LPP: variants seen among roughly 807,000 people sequenced by gnomAD.
LPP encodes the protein LIM domain containing preferred translocation partner in lipoma, also known as lipoma-preferred partner.
LPP carries 38 observed loss-of-function variants against 60.4 expected under a neutral mutation model. That is an observed-to-expected ratio of 0.63 (90% confidence interval 0.49 to 0.83). The LOEUF is 0.83. Ranked by LOEUF, LPP falls within the 40% of genes least tolerant of loss-of-function variation. The pLI is 0.00. For missense variants in LPP, 902 were observed against 783.6 expected (o/e 1.15, Z -1.80); for synonymous variants, 328 against 290.8 (o/e 1.13, Z -1.30).
chr3:188,364,768 C>G (rs888118685), intron 3 of LPP, among the ~76,000 whole-genome samples: 2 of 152,174 alleles, frequency 1.3e-5, no homozygotes, highest in African/African-American at 2.4e-5. Context: ...TCCTGCTGCC[C>G]TCTGGCCACC....
intron 6 of LPP, among the ~76,000 whole-genome samples, chr3:188,578,213 A>G (rs370913116): frequency 2.0e-5 from 3 of 151,658 alleles, no homozygotes. Flanking sequence ...AGTGGCCACT[A>G]TGGTCCTTCC....
At chr3:188,515,200 G>C (rs554765309) in intron 5 of LPP, among the ~76,000 whole-genome samples, 1 of 152,128 alleles carries the variant, frequency 6.6e-6, no homozygotes, top group African/African-American at 2.4e-5. Flanking sequence ...CTCTTATGGG[G>C]GTTTAGTGCC....
At chr3:188,238,893 A>G (rs80071698) in intron 2 of LPP, among the ~76,000 whole-genome samples, 2,814 of 152,346 alleles carry the variant, frequency 0.018, 42 homozygotes, top group South Asian at 0.03. Flanking sequence ...TTCTATTTGT[A>G]AAAAACACAG....
chr3:188,308,881 C>T (rs933524968), intron 2 of LPP, among the ~76,000 whole-genome samples: 7 of 93,828 alleles, frequency 7.5e-5, no homozygotes, highest in African/African-American at 1.7e-4. Context: ...TTCTCGTTCT[C>T]GTTCTCCTTC....
At chr3:188,849,046 ATGCT>A (rs2151834576) in intron 9 of LPP, among the ~76,000 whole-genome samples, 1 of 152,280 alleles carries the variant, frequency 6.6e-6, no homozygotes, top group African/African-American at 2.4e-5. Context: ...TAATTAAACA[ATGCT>A]TGCTTCTCTC....
intron 3 of LPP, among the ~76,000 whole-genome samples, chr3:188,395,748 CA>C (rs1256573073): frequency 1.3e-5 from 2 of 150,512 alleles, no homozygotes; most frequent in East Asian, 1.9e-4. Context: ...CCTGTCTTTA[CA>C]AAAAAAATTA....
intron 2 of LPP, among the ~76,000 whole-genome samples, chr3:188,266,764 G>A (rs567708022): frequency 1.5e-3 from 232 of 152,228 alleles, no homozygotes; most frequent in Admixed American, 2.4e-3. Flanking sequence ...GGCTCTCCAA[G>A]CATTCCAGTT....
At chr3:188,371,716 G>A (rs1229358345) in intron 3 of LPP, among the ~76,000 whole-genome samples, 7 of 132,958 alleles carry the variant, frequency 5.3e-5, no homozygotes, top group South Asian at 5.0e-4. Flanking sequence ...GTGCAGTGGC[G>A]CGATCTCAAC....
At chr3:188,381,755 G>C (rs953334036) in intron 3 of LPP, among the ~76,000 whole-genome samples, 8 of 152,128 alleles carry the variant, frequency 5.3e-5, no homozygotes, top group South Asian at 2.1e-4. Flanking sequence ...GAGATTAGAA[G>C]AAAGATCAAG....
chr3:188,259,017 G>T lies in LPP; in HGVS notation c.-67+33490G>T, dbSNP rs547192135. On this transcript the variant is annotated intron_variant, in intron 2 of 11. Coordinates refer to ENST00000617246, the MANE Select transcript of LPP (RefSeq NM_001375462.1). ...AAAAGTCAGTGCTGTGGCTTTTGCT[G>T]TCTTCCCTTGTAATCTCTTCCCCTC... Among the ~76,000 whole-genome samples the T allele has an allele frequency of 5.9e-5, 9 of 152,200 alleles. No individual in the cohort carries two copies. In the East Asian group the frequency reaches 7.7e-4, roughly 13 times the overall value.
At chr3:188,693,036 A>G (rs181328011) in intron 7 of LPP, among the ~76,000 whole-genome samples, 30 of 152,346 alleles carry the variant, frequency 2.0e-4, no homozygotes, top group Non-Finnish European at 2.9e-4. Flanking sequence ...ATGCAGAAGC[A>G]TTTAGAGTTT....
At chr3:188,300,829 A>G (rs1357310719) in intron 2 of LPP, among the ~76,000 whole-genome samples, 1 of 152,184 alleles carries the variant, frequency 6.6e-6, no homozygotes, top group Non-Finnish European at 1.5e-5. Context: ...CACATATATA[A>G]TACTGTAAAC....
intron 1 of LPP, among the ~76,000 whole-genome samples, chr3:188,176,401 A>G (rs1723055081): frequency 1.3e-5 from 2 of 152,212 alleles, no homozygotes; most frequent in African/African-American, 4.8e-5. Context: ...CTAGAGTCAC[A>G]CACACTGTCA....
chr3:188,394,041 G>A (rs952239632), intron 3 of LPP, among the ~76,000 whole-genome samples: 1 of 152,168 alleles, frequency 6.6e-6, no homozygotes, highest in African/African-American at 2.4e-5. Context: ...GATTTGGCAT[G>A]AAGAAACCAT....
chr3:188,697,144 T>A (rs1230984145), intron 7 of LPP, among the ~76,000 whole-genome samples: 2 of 152,218 alleles, frequency 1.3e-5, no homozygotes, highest in Non-Finnish European at 2.9e-5. Context: ...GATCGGTGTG[T>A]CTGTCAGAAG....
intron 8 of LPP, among the ~76,000 whole-genome samples, chr3:188,744,097 A>G (rs1398918963): frequency 6.6e-6 from 1 of 152,172 alleles, no homozygotes; most frequent in East Asian, 1.9e-4. Flanking sequence ...CATACGCACA[A>G]ACATACACTT....
intron 7 of LPP, among the ~76,000 whole-genome samples, chr3:188,629,575 A>G (rs953330873): frequency 6.6e-6 from 1 of 152,154 alleles, no homozygotes; most frequent in African/African-American, 2.4e-5. Flanking sequence ...CAGAGATGAA[A>G]CAAATATATG....
At chr3:188,782,420 A>G (rs1740097166) in intron 9 of LPP, among the ~76,000 whole-genome samples, 1 of 152,210 alleles carries the variant, frequency 6.6e-6, no homozygotes, top group South Asian at 2.1e-4. Context: ...TTAGTTCTCT[A>G]AAGCAAAGGT....
intron 5 of LPP, among the ~76,000 whole-genome samples, chr3:188,499,150 T>A (rs893762118): frequency 1.3e-5 from 2 of 152,232 alleles, no homozygotes; most frequent in Admixed American, 1.3e-4. Flanking sequence ...TTTATGAAAT[T>A]CAATTTGTCT....
Sources: gnomAD v4.1 joint callset for allele counts (sites outside exome capture counted in the v4.1 genomes callset) on GRCh38, gnomAD v4.1.1 for gene constraint, MANE v1.5 for transcripts, NCBI Gene and HGNC (gene_info 2026-07-23, HGNC 2026-07-21) for gene names.